Variants in ATAD2B observed in about 807,000 individuals in gnomAD.
The protein encoded by ATAD2B is ATPase family AAA domain-containing protein 2B.
In ATAD2B, 40 loss-of-function variants were observed where a neutral mutation model predicts 167.6. The ratio of observed to expected loss-of-function variants is 0.24; its 90% CI spans 0.19 to 0.31. The LOEUF (loss-of-function observed/expected upper bound fraction) is 0.31, where lower values mean the gene tolerates loss of function less well. Ranked by LOEUF, ATAD2B falls within the 10% of genes least tolerant of loss-of-function variation. ATAD2B has a pLI of 1.00. For missense variants in ATAD2B, 1,242 were observed against 1,757.2 expected (o/e 0.71, Z 5.24); for synonymous variants, 579 against 596.5 (o/e 0.97, Z 0.43).
intron 22 of ATAD2B, among the ~76,000 whole-genome samples, chr2:23,771,839 T>C (rs1678371034): frequency 6.6e-6 from 1 of 152,192 alleles, no homozygotes; most frequent in Non-Finnish European, 1.5e-5. Flanking sequence ...AACACTAGGG[T>C]AGGACCTCCT....
intron 5 of ATAD2B, among the ~76,000 whole-genome samples, chr2:23,885,333 TAA>T (rs1222030956): frequency 6.6e-6 from 1 of 151,730 alleles, no homozygotes; most frequent in African/African-American, 2.4e-5. Flanking sequence ...TTAACAAGAG[TAA>T]AAGTTATAGG....
intron 19 of ATAD2B, among the ~76,000 whole-genome samples, chr2:23,791,468 C>A (rs941826133): frequency 1.4e-5 from 2 of 139,374 alleles, no homozygotes; most frequent in African/African-American, 5.3e-5. Context: ...TGCAAAAGCA[C>A]TTTTTTTTTT....
chr2:23,852,101 A>C (rs553755216), intron 13 of ATAD2B, among the ~76,000 whole-genome samples: 1 of 152,248 alleles, frequency 6.6e-6, no homozygotes, highest in Non-Finnish European at 1.5e-5. Flanking sequence ...AAACTGACCT[A>C]AGAATAAATA....
At chr2:23,900,882 T>C (rs1700746058) in intron 1 of ATAD2B, 1 of 152,430 alleles carries the variant, frequency 6.6e-6, no homozygotes, top group Admixed American at 6.5e-5. Flanking sequence ...CACAAGTATA[T>C]TTTTGTGACA....
At chr2:23,849,985 C>T (rs1000630523) in intron 13 of ATAD2B, among the ~76,000 whole-genome samples, 3 of 149,754 alleles carry the variant, frequency 2.0e-5, no homozygotes, top group African/African-American at 7.4e-5. Flanking sequence ...GACTTTAATA[C>T]AAAAAAAATT....
At chr2:23,776,308 T>C (rs111811086) in intron 22 of ATAD2B, among the ~76,000 whole-genome samples, 3 of 152,182 alleles carry the variant, frequency 2.0e-5, no homozygotes, top group African/African-American at 7.2e-5. Flanking sequence ...CATATTTAAA[T>C]GGTTGGTCAC....
In ATAD2B at chr2:23,880,699, C is replaced by A; in HGVS notation, c.841G>T (p.Asp281Tyr). Reference sequence around the variant, plus strand: ...CTCTGTCTCAAATTATATGGTCTATCATTTTCTTCTCCTTCTGCCTCTTCA... The same window carrying A: ...CTCTGTCTCAAATTATATGGTCTATAATTTTCTTCTCCTTCTGCCTCTTCA... ...EVEEAEGEEN[D>Y]RPYNLRQRKT... The change falls in exon 7 of 28, where the codon GAT (aspartate) becomes TAT (tyrosine). Residue 281 changes from aspartate to tyrosine, a missense_variant. Transcript: ENST00000238789. The A allele has an allele frequency of 8.1e-6, 13 of 1,610,826 alleles. No homozygotes were observed. The highest frequency in any genetic ancestry group is 4.4e-5 in the South Asian group (4 of 90,440).
the ATAD2B span, among the ~76,000 whole-genome samples, chr2:23,738,194 G>C: frequency 6.6e-6 from 1 of 152,168 alleles, no homozygotes; most frequent in African/African-American, 2.4e-5. Flanking sequence ...AGGAAATACA[G>C]AGAATGCCAC....
chr2:23,703,367 T>G, the ATAD2B span: 1 of 1,502,674 alleles, frequency 6.7e-7, no homozygotes, highest in Admixed American at 2.2e-5. Flanking sequence ...CTTCATCGAG[T>G]CCCCAATGAT....
intron 13 of ATAD2B, among the ~76,000 whole-genome samples, chr2:23,840,470 A>G (rs1690705708): frequency 1.3e-5 from 2 of 152,030 alleles, no homozygotes; most frequent in Admixed American, 6.5e-5. Flanking sequence ...CCGTTCACAT[A>G]TTGTTGGCTA....
chr2:23,818,141 C>CAG (rs746020532), intron 17 of ATAD2B, among the ~76,000 whole-genome samples: 11,763 of 94,332 alleles, frequency 0.12, 834 homozygotes, highest in Middle Eastern at 0.23. Flanking sequence ...CACACACACA[C>CAG]AGAGAGAGAG....
the ATAD2B span, among the ~76,000 whole-genome samples, chr2:23,693,999 G>A: frequency 6.2e-3 from 939 of 152,344 alleles, 2 homozygotes; most frequent in Non-Finnish European, 9.6e-3. Context: ...CCCAGAGAAA[G>A]GGGTCCTCAG....
At chr2:23,743,200 G>T in the ATAD2B span, among the ~76,000 whole-genome samples, 1 of 150,932 alleles carries the variant, frequency 6.6e-6, no homozygotes, top group African/African-American at 2.4e-5. Flanking sequence ...AAATTGGAAA[G>T]GGTTAGAATG....
At chr2:23,695,976 TG>T in the ATAD2B span, 1 of 1,551,522 alleles carries the variant, frequency 6.4e-7, no homozygotes, top group African/African-American at 1.4e-5. This position sits in a 1 kb window ranked among gnomAD's most constrained non-coding sequence, Gnocchi z 7.6. Flanking sequence ...TCGTCTTGGT[TG>T]GGGGCCGTCA....
rs141781130 is a variant in ATAD2B, at chr2:23,877,671, A to G, written c.902-1767T>C. 2.2e-3 allele frequency among the ~76,000 whole-genome samples: 335 copies of G among 151,254 alleles called. 2 individuals are homozygous for G. Among genetic ancestry groups the G allele is most frequent in the African/African-American group, 7.9e-3 (326 of 41,268 alleles). ...TGGATCACGAGAGGTCAGGAGTTCA[A>G]GACCAGCCTGGCCAAGATCGTGAAA... On this transcript the variant is annotated intron_variant, in intron 7 of 27. Transcript: ENST00000238789.
At chr2:23,741,965 A>G in the ATAD2B span, among the ~76,000 whole-genome samples, 2 of 152,220 alleles carry the variant, frequency 1.3e-5, no homozygotes, top group African/African-American at 2.4e-5. Flanking sequence ...GCTCATCATC[A>G]CTGGCCATCA....
chr2:23,840,707 T>A (rs529636273), intron 13 of ATAD2B, among the ~76,000 whole-genome samples: 3 of 152,344 alleles, frequency 2.0e-5, no homozygotes, highest in Admixed American at 1.3e-4. Flanking sequence ...AGTATGCCCA[T>A]TAGATCAGAT....
At chr2:23,823,884 C>T (rs1356133411) in intron 15 of ATAD2B, among the ~76,000 whole-genome samples, 1 of 151,560 alleles carries the variant, frequency 6.6e-6, no homozygotes, top group Non-Finnish European at 1.5e-5. Flanking sequence ...AAAACAAAAG[C>T]CATGTATTAT....
the ATAD2B span, chr2:23,708,262 A>C: frequency 6.6e-6 from 1 of 152,342 alleles, no homozygotes; most frequent in Admixed American, 6.5e-5. Flanking sequence ...ATTATTTTAA[A>C]AAGTAATAAG....
Sources: allele counts gnomAD v4.1 joint callset (sites outside exome capture counted in the v4.1 genomes callset), GRCh38; gene constraint gnomAD v4.1.1; non-coding constraint Gnocchi (gnomAD v3.1); transcripts MANE v1.5; gene names NCBI Gene and HGNC (gene_info 2026-07-23, HGNC 2026-07-21).